Variants in GALNT15 observed in about 807,000 individuals in gnomAD.
The protein encoded by GALNT15 is polypeptide N-acetylgalactosaminyltransferase 15, also known as UDP-GalNAc transferase T15.
Under a neutral mutation model 66.8 loss-of-function variants are expected in GALNT15, and 67 were observed. That is an observed-to-expected ratio of 1.00 (90% CI 0.82 to 1.23). The LOEUF (loss-of-function observed/expected upper bound fraction) is 1.23. Ranked by LOEUF, GALNT15 falls within the 50% of genes most tolerant of loss-of-function variation. GALNT15 has a pLI of 0.00. For synonymous variants in GALNT15, 313 were observed against 311.5 expected (o/e 1.00, Z -0.05); for missense variants, 827 against 804.3 (o/e 1.03, Z -0.34).
In GALNT15 at chr3:16,211,472, G is replaced by A. The variant is rs1295292520; in HGVS notation, c.1197+231G>A. Among the ~76,000 whole-genome samples the A allele has an allele frequency of 6.6e-6, 1 of 152,192 alleles. No homozygotes were observed. The highest frequency in any genetic ancestry group is 2.4e-5 in the African/African-American group (1 of 41,444). ...CCTTCAAAACCTGCTTCCAGGAATA[G>A]GCATACTCTCAGTTATTTTAACTGC... On this transcript the variant is annotated intron_variant, in intron 5 of 9. Coordinates refer to ENST00000339732, the MANE Select transcript of GALNT15 (RefSeq NM_054110.5). This position sits in a 1 kb window ranked among gnomAD's most constrained non-coding sequence, Gnocchi z 4.3.
intron 3 of GALNT15, among the ~76,000 whole-genome samples, chr3:16,202,761 T>G (rs1301565161): frequency 1.3e-5 from 2 of 152,250 alleles, no homozygotes; most frequent in Non-Finnish European, 2.9e-5. Context: ...CTTGCCCATT[T>G]CCCATCTGAT....
At position 16,229,439 on chromosome 3, in the gene GALNT15, T is replaced by G; in HGVS notation, c.*1939T>G. 1.1e-6 allele frequency: 1 copy of G among 943,504 alleles called. No homozygotes were observed. The highest frequency in any genetic ancestry group is 1.3e-6 in the Non-Finnish European group (1 of 791,754). The allele number at this position is 943,504 out of a possible 1,614,324, so 58.4% of individuals were successfully genotyped here. A position where few individuals can be genotyped will look rare whatever the true frequency, so the allele number is the denominator to read the frequency against. ...TCTACTGTATTGGCGAGCATGGATA[T>G]AGAACATTTCATCACAGTTCTGTTG... is the stretch of plus-strand genomic sequence containing the variant. On this transcript the variant is annotated 3_prime_UTR_variant, in exon 10 of 10. Transcript: ENST00000339732.
chr3:16,221,355 T>C (rs2063940594), intron 8 of GALNT15, among the ~76,000 whole-genome samples: 2 of 149,254 alleles, frequency 1.3e-5, no homozygotes, highest in Non-Finnish European at 3.0e-5. Context: ...AGATAAGATA[T>C]GCCAGATAAA....
intron 5 of GALNT15, 82 bp from the exon 6 acceptor site, chr3:16,212,487 G>T: frequency 2.3e-6 from 3 of 1,297,946 alleles, no homozygotes; most frequent in Non-Finnish European, 3.2e-6. Flanking sequence ...CATTTTGCCA[G>T]CCCCTCATAG....
In GALNT15 at chr3:16,211,181, T is replaced by C; in HGVS notation, c.1137T>C (p.Thr379=). 2.5e-6 allele frequency: 4 copies of C among 1,614,086 alleles called. No homozygotes were observed. The highest frequency in any genetic ancestry group is 3.4e-6 in the Non-Finnish European group (4 of 1,179,958). The change falls in exon 5 of 10, where the codon ACT becomes ACC. Residue 379 remains threonine, a synonymous_variant. Coordinates refer to ENST00000339732, the MANE Select transcript of GALNT15 (RefSeq NM_054110.5). This position sits in a 1 kb window ranked among gnomAD's most constrained non-coding sequence, Gnocchi z 4.3. ...VAMDRHYFQN[T]GAYDSLMSLR... ...TGGACAGACATTACTTCCAAAACACTGGAGCGTATGACTCTCTTATGTCGC... is the reference window on the plus strand; with the variant it reads ...TGGACAGACATTACTTCCAAAACACCGGAGCGTATGACTCTCTTATGTCGC...
chr3:16,190,496 G>A (rs1421327774), intron 1 of GALNT15, among the ~76,000 whole-genome samples: 2 of 152,148 alleles, frequency 1.3e-5, no homozygotes, highest in Non-Finnish European at 2.9e-5. Context: ...AAATTAGCCG[G>A]GCGTGGTGGC....
chr3:16,245,700 A>C, the GALNT15 span, among the ~76,000 whole-genome samples: 1 of 152,228 alleles, frequency 6.6e-6, no homozygotes, highest in Admixed American at 6.5e-5. Context: ...ATCCATGGGA[A>C]GGGCAGGGGT....
At chr3:16,196,950 G>T (rs951808654) in intron 2 of GALNT15, among the ~76,000 whole-genome samples, 1 of 152,220 alleles carries the variant, frequency 6.6e-6, no homozygotes, top group African/African-American at 2.4e-5. Flanking sequence ...CCTCACTCCA[G>T]GGATGGGCCT....
intron 3 of GALNT15, among the ~76,000 whole-genome samples, chr3:16,202,892 G>T (rs2063717774): frequency 6.6e-6 from 1 of 152,198 alleles, no homozygotes; most frequent in Non-Finnish European, 1.5e-5. Context: ...ACCCCTCAGG[G>T]TCACACAGCC....
chr3:16,197,068 C>T (rs2063646466), intron 2 of GALNT15, among the ~76,000 whole-genome samples: 1 of 152,204 alleles, frequency 6.6e-6, no homozygotes, highest in Admixed American at 6.5e-5. Flanking sequence ...AGGTGCAGGA[C>T]AGGGCTGGGT....
At position 16,183,180 on chromosome 3, in the gene GALNT15, A is replaced by T. The variant is rs536609473; in HGVS notation, c.539+7490A>T. On this transcript the variant is annotated intron_variant, in intron 1 of 9. Transcript: ENST00000339732. The surrounding 1 kb of genome is among the most constrained non-coding windows in gnomAD (Gnocchi z 5.2). ...CTGTGAGAGTTTGGAGAACCTGCAC[A>T]AAGAGAAGGGGATGGCATGTACCTT... 1.2e-4 allele frequency: 18 copies of T among 152,414 alleles called. No individual in the cohort carries two copies. The highest frequency in any genetic ancestry group is 3.6e-4 in the African/African-American group (15 of 41,570). The allele number at this position is 152,414 out of a possible 1,614,324, so 9.4% of individuals were successfully genotyped here. A position where few individuals can be genotyped will look rare whatever the true frequency, so the allele number is the denominator to read the frequency against.
At position 16,183,296 on chromosome 3, in the gene GALNT15, C is replaced by T. The variant is rs552795495; in HGVS notation, c.539+7606C>T. 61 of 152,404 alleles carry T rather than the reference C, an allele frequency of 4.0e-4. No homozygotes were observed. The highest frequency in any genetic ancestry group is 1.4e-3 in the African/African-American group (59 of 41,578). 9.4% of individuals were successfully genotyped at this position (152,404 alleles called of 1,614,324 possible). ...CCTTTCCTCCCATCTCTCTTGTCTG[C>T]AAGCTTCTTCATCCATTCTTCTAAG... On this transcript the variant is annotated intron_variant, in intron 1 of 9. Coordinates refer to ENST00000339732, the MANE Select transcript of GALNT15 (RefSeq NM_054110.5). This position sits in a 1 kb window ranked among gnomAD's most constrained non-coding sequence, Gnocchi z 5.2.
In GALNT15 at chr3:16,186,658, T is replaced by G. The variant is rs965152300; in HGVS notation, c.540-9102T>G. Among the ~76,000 whole-genome samples, 2 of 152,160 alleles carry G rather than the reference T, an allele frequency of 1.3e-5. No homozygotes were observed. The highest frequency in any genetic ancestry group is 2.9e-5 in the Non-Finnish European group (2 of 68,022). ...ACAACATGATTAAGCTTGAAAACAT[T>G]ATGATAAGTGAAAGAAATCAGTCAC... On this transcript the variant is annotated intron_variant, in intron 1 of 9. Coordinates refer to ENST00000339732, the MANE Select transcript of GALNT15 (RefSeq NM_054110.5). This position sits in a 1 kb window ranked among gnomAD's most constrained non-coding sequence, Gnocchi z 5.1.
rs535558747 is a variant in GALNT15 at position 16,175,755 on chromosome 3, G to T, written c.539+65G>T. On this transcript the variant is annotated intron_variant, in intron 1 of 9. Transcript: ENST00000339732. This position sits in a 1 kb window ranked among gnomAD's most constrained non-coding sequence, Gnocchi z 5.6. The stretch of plus-strand genomic sequence containing the variant: ...CATGATCGGGTGGTAGCAAACTCGG[G>T]AATGCAAACTTTCCGTAGCCTGCCT... The T allele has an allele frequency of 1.5e-4, 212 of 1,425,080 alleles. 4 individuals are homozygous for T. The South Asian group carries it at 2.7e-3, about 18-fold the overall frequency. 88.3% of individuals were successfully genotyped at this position (1,425,080 alleles called of 1,614,324 possible).
At chr3:16,216,710 C>T (rs2063882738) in intron 6 of GALNT15, among the ~76,000 whole-genome samples, 1 of 152,160 alleles carries the variant, frequency 6.6e-6, no homozygotes, top group Non-Finnish European at 1.5e-5. Flanking sequence ...GCCTGTTAGC[C>T]CTTGGGAGGG....
At position 16,175,157 on chromosome 3, in the gene GALNT15, C is replaced by T; in HGVS notation, c.6C>T (p.Leu2=). The T allele has an allele frequency of 6.2e-7, 1 of 1,610,266 alleles. No homozygotes were observed. M[L]LRKRYRHRPC... ...ATTTGGCAAGTTCTAGCAACATGCT[C>T]CTAAGGAAGCGATACAGGCACAGAC... Residue 2 remains leucine, a synonymous_variant, in exon 1 of 10, where the codon CTC becomes CTT. Transcript: ENST00000339732. This position sits in a 1 kb window ranked among gnomAD's most constrained non-coding sequence, Gnocchi z 5.6.
chr3:16,186,649 T>A lies in GALNT15; in HGVS notation c.540-9111T>A, dbSNP rs2063518667. Among the ~76,000 whole-genome samples, 1 of 152,190 alleles carries A rather than the reference T, an allele frequency of 6.6e-6. No individual in the cohort carries two copies. The highest frequency in any genetic ancestry group is 1.5e-5 in the Non-Finnish European group (1 of 68,026). On this transcript the variant is annotated intron_variant, in intron 1 of 9. Coordinates refer to ENST00000339732, the MANE Select transcript of GALNT15 (RefSeq NM_054110.5). This position sits in a 1 kb window ranked among gnomAD's most constrained non-coding sequence, Gnocchi z 5.1. ...ATATAGACTACAACATGATTAAGCTTGAAAACATTATGATAAGTGAAAGAA... is the reference window on the plus strand; with the variant it reads ...ATATAGACTACAACATGATTAAGCTAGAAAACATTATGATAAGTGAAAGAA...
chr3:16,181,302 G>A lies in GALNT15; in HGVS notation c.539+5612G>A, dbSNP rs1423195917. 6.6e-6 allele frequency among the ~76,000 whole-genome samples: 1 copy of A among 152,066 alleles called. No individual in the cohort carries two copies. The highest frequency in any genetic ancestry group is 6.6e-5 in the Admixed American group (1 of 15,264). On this transcript the variant is annotated intron_variant, in intron 1 of 9. Transcript: ENST00000339732. The surrounding 1 kb of genome is among the most constrained non-coding windows in gnomAD (Gnocchi z 5.9). ...TTTAGTTGGTCTGGGGTGAGGCCTG[G>A]GCACCAAGAGCTTAAAACTCCCCAG...
downstream of GALNT15, among the ~76,000 whole-genome samples, chr3:16,236,504 C>G (rs531975109): frequency 6.6e-6 from 1 of 152,206 alleles, no homozygotes; most frequent in African/African-American, 2.4e-5. Context: ...AGTTTGCCAC[C>G]CCCTGGACTA....
Sources: allele counts gnomAD v4.1 joint callset (sites outside exome capture counted in the v4.1 genomes callset), GRCh38; gene constraint gnomAD v4.1.1; non-coding constraint Gnocchi (gnomAD v3.1); transcripts MANE v1.5; gene names NCBI Gene and HGNC (gene_info 2026-07-23, HGNC 2026-07-21).